Variants in AGMO observed in about 807,000 individuals in gnomAD.
AGMO encodes glyceryl-ether monooxygenase.
A neutral mutation model predicts 60.2 loss-of-function variants in AGMO; 75 were observed. The observed-to-expected ratio is 1.25, with a 90% CI of 1.03 to 1.51. The LOEUF is 1.51. Among genes scored for constraint, AGMO ranks in the 40% most tolerant of loss-of-function variants. The pLI is 0.00. For missense variants in AGMO, 763 were observed against 525.5 expected, an observed-to-expected ratio of 1.45 and a Z score of -4.42; for synonymous variants, 261 against 177.1, an observed-to-expected ratio of 1.47 and a Z score of -3.76.
At chr7:15,221,021 T>A (rs561110093) in intron 12 of AGMO, among the ~76,000 whole-genome samples, 3 of 152,270 alleles carry the variant, frequency 2.0e-5, no homozygotes, top group African/African-American at 7.2e-5. Flanking sequence ...AATGAGGATG[T>A]CAGAATGATG....
intron 12 of AGMO, among the ~76,000 whole-genome samples, chr7:15,255,452 C>CA (rs376699064): frequency 7.0e-6 from 1 of 142,968 alleles, no homozygotes; most frequent in Admixed American, 7.4e-5. Flanking sequence ...CAAACTATTT[C>CA]AAAAAAACTG....
intron 12 of AGMO, among the ~76,000 whole-genome samples, chr7:15,267,531 C>T (rs1458673913): frequency 2.6e-5 from 4 of 151,966 alleles, no homozygotes; most frequent in Non-Finnish European, 4.4e-5. Context: ...ATGTTCACGA[C>T]AGTCATTCAG....
chr7:15,483,837 A>C (rs1476318961), intron 3 of AGMO, among the ~76,000 whole-genome samples: 1 of 152,156 alleles, frequency 6.6e-6, no homozygotes, highest in Non-Finnish European at 1.5e-5. Flanking sequence ...AGATGATTAA[A>C]ATTTATATAA....
At chr7:15,484,608 G>A (rs920866082) in intron 3 of AGMO, among the ~76,000 whole-genome samples, 2 of 152,072 alleles carry the variant, frequency 1.3e-5, no homozygotes, top group African/African-American at 4.8e-5. Flanking sequence ...CTACCAAGTA[G>A]GTATTCCGCT....
the AGMO span, among the ~76,000 whole-genome samples, chr7:15,192,866 T>C: frequency 3.3e-5 from 5 of 152,140 alleles, no homozygotes; most frequent in Non-Finnish European, 7.4e-5. Flanking sequence ...CAAGGAACTT[T>C]CCTGTTTCAA....
the AGMO span, among the ~76,000 whole-genome samples, chr7:15,166,772 G>A: frequency 2.0e-5 from 3 of 152,180 alleles, no homozygotes; most frequent in Non-Finnish European, 4.4e-5. Flanking sequence ...TGAATTCAGT[G>A]TGGGGAGTAC....
At chr7:15,315,081 A>G (rs1780877749) in intron 12 of AGMO, among the ~76,000 whole-genome samples, 1 of 152,164 alleles carries the variant, frequency 6.6e-6, no homozygotes, top group Admixed American at 6.5e-5. Context: ...GCCAACAGCC[A>G]CAAAGAGCTT....
intron 12 of AGMO, among the ~76,000 whole-genome samples, chr7:15,311,713 A>G (rs577878458): frequency 2.6e-5 from 4 of 152,334 alleles, no homozygotes; most frequent in African/African-American, 9.6e-5. Flanking sequence ...AGGAGGTAAT[A>G]AATTTCACAA....
At chr7:15,204,898 G>A (rs1036789698) in intron 12 of AGMO, among the ~76,000 whole-genome samples, 1 of 152,062 alleles carries the variant, frequency 6.6e-6, no homozygotes, top group Non-Finnish European at 1.5e-5. Context: ...TTGCTATGTT[G>A]CCCAAACTGG....
chr7:15,408,104 G>A (rs995610327), intron 5 of AGMO, among the ~76,000 whole-genome samples: 2 of 151,858 alleles, frequency 1.3e-5, no homozygotes, highest in Non-Finnish European at 2.9e-5. Context: ...ATCACAGAGA[G>A]AACATGTGCA....
intron 12 of AGMO, among the ~76,000 whole-genome samples, chr7:15,284,426 G>A (rs148453180): frequency 1.3e-5 from 2 of 152,112 alleles, no homozygotes; most frequent in Non-Finnish European, 2.9e-5. Context: ...AAGATCATTT[G>A]AGACTACCAT....
chr7:15,262,430 A>T (rs1237958825), intron 12 of AGMO, among the ~76,000 whole-genome samples: 1 of 152,110 alleles, frequency 6.6e-6, no homozygotes, highest in South Asian at 2.1e-4. Context: ...AAGGACATGA[A>T]AAACTTCTAC....
intron 12 of AGMO, among the ~76,000 whole-genome samples, chr7:15,326,594 T>C (rs1484168711): frequency 1.3e-5 from 2 of 152,202 alleles, no homozygotes; most frequent in Non-Finnish European, 2.9e-5. Context: ...ATTAATGAAA[T>C]ATTCATTCTT....
chr7:15,118,167 AAG>A, the AGMO span, among the ~76,000 whole-genome samples: 2,582 of 58,458 alleles, frequency 0.044, 28 homozygotes, highest in South Asian at 0.1. Context: ...AAAACCACTA[AAG>A]AGAAACACAC....
intron 3 of AGMO, among the ~76,000 whole-genome samples, chr7:15,443,893 A>G (rs933707601): frequency 5.3e-5 from 8 of 152,112 alleles, no homozygotes; most frequent in African/African-American, 1.9e-4. Context: ...TCCTTGTGCC[A>G]TCTGTCAAAG....
At chr7:15,204,585 T>C (rs1459352952) in intron 12 of AGMO, among the ~76,000 whole-genome samples, 1 of 152,176 alleles carries the variant, frequency 6.6e-6, no homozygotes, top group East Asian at 1.9e-4. Context: ...GGATTCTAAA[T>C]ATAAAGCAGA....
intron 12 of AGMO, among the ~76,000 whole-genome samples, chr7:15,352,676 A>T (rs905944848): frequency 6.6e-6 from 1 of 151,924 alleles, no homozygotes; most frequent in African/African-American, 2.4e-5. Context: ...CAGCAAGCCC[A>T]TAATGAGTCC....
At chr7:15,170,158 C>A in the AGMO span, among the ~76,000 whole-genome samples, 402 of 152,306 alleles carry the variant, frequency 2.6e-3, no homozygotes, top group African/African-American at 6.7e-3. Context: ...GTGAGCAAAC[C>A]TGAAGACAAA....
intron 3 of AGMO, among the ~76,000 whole-genome samples, chr7:15,505,534 C>A (rs1208853426): frequency 6.6e-6 from 1 of 151,994 alleles, no homozygotes; most frequent in Non-Finnish European, 1.5e-5. Context: ...GTGTCACTCT[C>A]CCTTCGATTC....
Sources: allele counts gnomAD v4.1 joint callset (sites outside exome capture counted in the v4.1 genomes callset), GRCh38; gene constraint gnomAD v4.1.1; transcripts MANE v1.5; gene names NCBI Gene and HGNC (gene_info 2026-07-23, HGNC 2026-07-21).